Variants in DPP10 observed in about 807,000 individuals in gnomAD.
The protein encoded by DPP10 is dipeptidyl peptidase like 10.
In DPP10, 33 loss-of-function variants were observed where a neutral mutation model predicts 120.9. The observed-to-expected ratio is 0.27, with a 90% CI of 0.21 to 0.37. DPP10 has a LOEUF of 0.37. Among genes scored for constraint, DPP10 ranks in the 10% least tolerant of loss-of-function variants. The pLI, the probability that DPP10 is intolerant of heterozygous loss-of-function variation, is 1.00. For synonymous variants in DPP10, 337 were observed against 326.1 expected (o/e 1.03, Z -0.36); for missense variants, 816 against 942.8 (o/e 0.87, Z 1.76).
intron 5 of DPP10, among the ~76,000 whole-genome samples, chr2:115,565,011 C>T: frequency 6.6e-6 from 1 of 152,026 alleles, no homozygotes; most frequent in East Asian, 1.9e-4. Context: ...TATATTCTGG[C>T]ACCAACTGGC....
rs116044751 is a variant in DPP10, at chr2:114,657,795, C to G, written c.60+214957C>G. ...CAAAAAATATATTCATGTATAACTA[C>G]TTTTGGCTTAATAATTCATGCATTT... On this transcript the variant is annotated intron_variant, in intron 1 of 25. Transcript: ENST00000410059. Among the ~76,000 whole-genome samples, 68 of 152,216 alleles carry G rather than the reference C, an allele frequency of 4.5e-4. 1 individual carries two copies. The highest frequency in any genetic ancestry group is 1.5e-3 in the African/African-American group (63 of 41,552).
chr2:115,379,079 G>A (rs1285233519), intron 3 of DPP10, among the ~76,000 whole-genome samples: 1 of 152,154 alleles, frequency 6.6e-6, no homozygotes, highest in Non-Finnish European at 1.5e-5. Flanking sequence ...AATGAGTTAG[G>A]GAGGATTCCC....
At chr2:115,826,268 C>T (rs1688305825) in intron 21 of DPP10, among the ~76,000 whole-genome samples, 1 of 152,142 alleles carries the variant, frequency 6.6e-6, no homozygotes. Context: ...ACAATGACTT[C>T]CTACAATTTT....
chr2:115,643,139 A>G (rs2086922582), intron 5 of DPP10, among the ~76,000 whole-genome samples: 1 of 152,148 alleles, frequency 6.6e-6, no homozygotes, highest in South Asian at 2.1e-4. Flanking sequence ...AATAAAAAAA[A>G]AAATGCGTAA....
chr2:115,376,075 T>C (rs1263390547), intron 3 of DPP10, among the ~76,000 whole-genome samples: 1 of 152,164 alleles, frequency 6.6e-6, no homozygotes, highest in East Asian at 1.9e-4. Context: ...GCAGTAAATT[T>C]AGCCCACTCT....
chr2:115,434,281 C>A (rs1206469269), intron 3 of DPP10, among the ~76,000 whole-genome samples: 1 of 151,916 alleles, frequency 6.6e-6, no homozygotes, highest in East Asian at 1.9e-4. Context: ...ATCTTCATTA[C>A]CAACCATTTG....
At chr2:114,526,312 G>A (rs1036377542) in intron 1 of DPP10, among the ~76,000 whole-genome samples, 2 of 152,144 alleles carry the variant, frequency 1.3e-5, no homozygotes, top group Non-Finnish European at 2.9e-5. Context: ...TTCCCGTTCT[G>A]TTTTTATTGA....
intron 1 of DPP10, among the ~76,000 whole-genome samples, chr2:115,304,632 A>G (rs985188768): frequency 2.0e-5 from 3 of 152,108 alleles, no homozygotes; most frequent in Admixed American, 1.3e-4. Flanking sequence ...CAGAATACAT[A>G]TGGCAGATAA....
intron 1 of DPP10, among the ~76,000 whole-genome samples, chr2:115,169,847 G>A (rs926055041): frequency 7.2e-5 from 11 of 152,238 alleles, no homozygotes; most frequent in Admixed American, 4.6e-4. Flanking sequence ...AAATAACTAT[G>A]TATCAGATTA....
intron 1 of DPP10, among the ~76,000 whole-genome samples, chr2:114,849,371 A>G (rs949707932): frequency 4.6e-5 from 7 of 152,054 alleles, no homozygotes; most frequent in Non-Finnish European, 1.0e-4. Flanking sequence ...ATGTTTTGAA[A>G]CAAAGTCTCA....
chr2:115,607,138 T>A (rs2083754482), intron 5 of DPP10, among the ~76,000 whole-genome samples: 1 of 152,186 alleles, frequency 6.6e-6, no homozygotes, highest in South Asian at 2.1e-4. Flanking sequence ...TGAAGTGCCC[T>A]TATGACTTTG....
intron 1 of DPP10, among the ~76,000 whole-genome samples, chr2:114,972,092 G>A (rs1248886397): frequency 6.6e-6 from 1 of 152,142 alleles, no homozygotes; most frequent in Admixed American, 6.6e-5. Flanking sequence ...TTGATTGAAT[G>A]GTAATCACAA....
chr2:114,589,785 A>AG (rs149617472), intron 1 of DPP10, among the ~76,000 whole-genome samples: 20,342 of 151,814 alleles, frequency 0.13, 1,579 homozygotes, highest in East Asian at 0.23. Flanking sequence ...TCCCAAAACT[A>AG]TGTATTGTTC....
rs72945824 is a variant in DPP10 at position 114,976,462 on chromosome 2, A to G, written c.61-332777A>G. Reference sequence around the variant, plus strand: ...TTTTCCCAAGAAAAATGTGAGTGCAATATTCCTCGAAGGCTTTTCTTGTTC... The same window carrying G: ...TTTTCCCAAGAAAAATGTGAGTGCAGTATTCCTCGAAGGCTTTTCTTGTTC... On this transcript the variant is annotated intron_variant, in intron 1 of 25. Transcript: ENST00000410059. Among the ~76,000 whole-genome samples the G allele has an allele frequency of 5.8e-3, 889 of 152,298 alleles. 10 individuals are homozygous for G. Among genetic ancestry groups the G allele is most frequent in the Middle Eastern group, 0.034 (10 of 294 alleles).
chr2:115,336,556 G>C (rs554134029), intron 2 of DPP10, among the ~76,000 whole-genome samples: 1 of 139,176 alleles, frequency 7.2e-6, no homozygotes, highest in Non-Finnish European at 1.6e-5. Context: ...TCATACATGT[G>C]TACTCTCTCT....
chr2:115,772,887 C>A (rs982180645), intron 13 of DPP10, among the ~76,000 whole-genome samples: 6 of 152,140 alleles, frequency 3.9e-5, no homozygotes, highest in African/African-American at 1.4e-4. Flanking sequence ...ATGGCCCTGT[C>A]ACCTTCTAAA....
At chr2:114,604,501 A>G (rs1366891672) in intron 1 of DPP10, among the ~76,000 whole-genome samples, 1 of 152,070 alleles carries the variant, frequency 6.6e-6, no homozygotes, top group Non-Finnish European at 1.5e-5. Flanking sequence ...CCTTTAGGCA[A>G]TGAACAATCT....
intron 1 of DPP10, among the ~76,000 whole-genome samples, chr2:115,006,352 A>G (rs1701840422): frequency 6.6e-6 from 1 of 152,004 alleles, no homozygotes; most frequent in Non-Finnish European, 1.5e-5. Flanking sequence ...AACAGGATCA[A>G]ATTCACACAT....
chr2:115,139,759 GA>G (rs2050828213), intron 1 of DPP10, among the ~76,000 whole-genome samples: 1 of 106,482 alleles, frequency 9.4e-6, no homozygotes, highest in Non-Finnish European at 1.9e-5. Context: ...AAAAAATTAA[GA>G]TACTACTTTG....
Sources: gnomAD v4.1 joint callset for allele counts (sites outside exome capture counted in the v4.1 genomes callset) on GRCh38, gnomAD v4.1.1 for gene constraint, MANE v1.5 for transcripts, NCBI Gene and HGNC (gene_info 2026-07-23, HGNC 2026-07-21) for gene names.